MAP3K15: variants seen among roughly 807,000 people sequenced by gnomAD.
MAP3K15 encodes the protein MAPK/ERK kinase kinase 15.
Under a neutral mutation model 99.5 loss-of-function variants are expected in MAP3K15, and 124 were observed. The observed-to-expected ratio is 1.25, with a 90% CI of 1.08 to 1.45. The LOEUF (loss-of-function observed/expected upper bound fraction) is 1.45. Ranked by LOEUF, MAP3K15 falls within the 40% of genes most tolerant of loss-of-function variation. The pLI, the probability that MAP3K15 is intolerant of heterozygous loss-of-function variation, is 0.00. For missense variants in MAP3K15, 1,242 were observed against 1,079.7 expected, an observed-to-expected ratio of 1.15 and a Z score of -2.11; for synonymous variants, 494 against 439.6, an observed-to-expected ratio of 1.12 and a Z score of -1.55.
At chrX:19,444,074 T>G (rs2063978246) in intron 6 of MAP3K15, among the ~76,000 whole-genome samples, 1 of 112,065 alleles carries the variant, frequency 8.9e-6, no homozygotes, top group African/African-American at 3.2e-5. Context: ...ATTCCTGCCA[T>G]CCATGAATAA....
Position 19,392,348 on chromosome X carries a change from T to A in MAP3K15, c.2320A>T (p.Ile774Leu). Reference protein sequence around the residue: ...LHENQIVHRDIKGDNVLVNTY... With the variant: ...LHENQIVHRDLKGDNVLVNTY... ...CAGCTTAAAAAAGCAAGTACCTTTA[T>A]GTCTCTGTGCACGATCTGGTTTTCA... The change falls in exon 17 of 29, where the codon ATA becomes TTA. Residue 774 changes from isoleucine to leucine, a missense_variant. By Grantham distance (5) the Ile-to-Leu change is conservative. Coordinates refer to ENST00000338883, the MANE Select transcript of MAP3K15 (RefSeq NM_001001671.4). 1.7e-6 allele frequency: 2 copies of A among 1,206,603 alleles called. No homozygotes were observed. The highest frequency in any genetic ancestry group is 2.2e-6 in the Non-Finnish European group (2 of 893,739).
chrX:19,424,189 T>TAC (rs1299300829), intron 9 of MAP3K15, among the ~76,000 whole-genome samples: 2 of 107,361 alleles, frequency 1.9e-5, no homozygotes, highest in African/African-American at 7.0e-5. Flanking sequence ...AAATCATGTA[T>TAC]ATATACACAC....
At chrX:19,387,681 G>A (rs753785175) in intron 18 of MAP3K15, among the ~76,000 whole-genome samples, 188 of 111,627 alleles carry the variant, frequency 1.7e-3, no homozygotes, top group Non-Finnish European at 2.8e-3. Context: ...CCAGCATATG[G>A]TCTTCTTAAA....
Position 19,457,152 on chromosome X carries a change from G to T in MAP3K15, c.889-133C>A, listed in dbSNP as rs1051716429. 2 of 432,438 alleles carry T rather than the reference G, an allele frequency of 4.6e-6. 1 individual carries two copies. Among genetic ancestry groups the T allele is most frequent in the African/African-American group, 4.8e-5 (2 of 41,602 alleles). The allele number at this position is 432,438 out of a possible 1,213,427, so 35.6% of individuals were successfully genotyped here. A position where few individuals can be genotyped will look rare whatever the true frequency, so the allele number is the denominator to read the frequency against. On this transcript the variant is annotated intron_variant, in intron 5 of 28. Transcript: ENST00000338883. ...TTCCTTACAAAGGGCATTTAGTGAA[G>T]TTACTTGTAGCCTTTAATAGGAGGG...
intron 7 of MAP3K15, 28 bp downstream of exon 7, chrX:19,431,404 ATGCAAG>A: frequency 8.5e-7 from 1 of 1,180,755 alleles, no homozygotes; most frequent in Non-Finnish European, 1.1e-6. Context: ...CCTTGAAGAG[ATGCAAG>A]TGCTCATAAC....
chrX:19,394,972 C>G, intron 16 of MAP3K15, 109 bp downstream of exon 16: 2 of 974,473 alleles, frequency 2.1e-6, no homozygotes. Flanking sequence ...TACAGGCGCC[C>G]TACAGGCCTG....
intron 7 of MAP3K15, among the ~76,000 whole-genome samples, chrX:19,430,715 T>C (rs1028142374): frequency 1.4e-4 from 16 of 110,954 alleles, no homozygotes; most frequent in African/African-American, 4.9e-4. Context: ...CACTCACCCC[T>C]TGCTTAGTGC....
intron 18 of MAP3K15, among the ~76,000 whole-genome samples, chrX:19,385,107 G>A (rs1445773704): frequency 2.7e-5 from 3 of 111,664 alleles, no homozygotes; most frequent in African/African-American, 9.8e-5. Flanking sequence ...ACAACAAATA[G>A]TTAGGTCTTA....
intron 15 of MAP3K15, among the ~76,000 whole-genome samples, chrX:19,396,187 C>T (rs187687344): frequency 8.9e-6 from 1 of 112,118 alleles, no homozygotes; most frequent in East Asian, 2.8e-4. Context: ...GAAAAGGACA[C>T]TATCCTAATC....
chrX:19,366,754 G>A (rs764365846), intron 25 of MAP3K15, among the ~76,000 whole-genome samples: 40 of 111,842 alleles, frequency 3.6e-4, no homozygotes, highest in African/African-American at 9.8e-4. Context: ...TATCAGCAGC[G>A]TGAAAATGGA....
intron 7 of MAP3K15, among the ~76,000 whole-genome samples, chrX:19,429,053 C>T (rs2063857252): frequency 1.8e-5 from 2 of 111,031 alleles, no homozygotes; most frequent in South Asian, 7.7e-4. Context: ...GGAACAGAGA[C>T]AGGAGTTTGG....
chrX:19,411,139 A>C (rs2063684072), intron 11 of MAP3K15, among the ~76,000 whole-genome samples: 1 of 107,040 alleles, frequency 9.3e-6, no homozygotes, highest in South Asian at 4.1e-4. Flanking sequence ...AGCCAAAATC[A>C]CTCCACTGCA....
At chrX:19,481,070 C>T (rs1443887354) in intron 3 of MAP3K15, among the ~76,000 whole-genome samples, 4 of 94,778 alleles carry the variant, frequency 4.2e-5, no homozygotes, top group South Asian at 5.2e-4. Context: ...GAGCCATGAT[C>T]GCACCACTGC....
intron 9 of MAP3K15, among the ~76,000 whole-genome samples, chrX:19,421,070 A>G (rs1321486054): frequency 2.7e-5 from 3 of 111,090 alleles, no homozygotes; most frequent in South Asian, 3.8e-4. Flanking sequence ...ACCCACAGCC[A>G]ATATCATACT....
rs182634736 is a variant in MAP3K15 at position 19,427,165 on chromosome X, A to C, written c.1167-822T>G. On this transcript the variant is annotated intron_variant, in intron 7 of 28. Coordinates refer to ENST00000338883, the MANE Select transcript of MAP3K15 (RefSeq NM_001001671.4). ...TATGCATTTTTTTTTTCATTTTTTA[A>C]AACACAGGGTCTCACTCTGTCACCC... Among the ~76,000 whole-genome samples the C allele has an allele frequency of 7.1e-3, 767 of 108,200 alleles. 5 individuals are homozygous for C. The highest frequency in any genetic ancestry group is 0.028 in the Middle Eastern group (6 of 217). 94.0% of individuals were successfully genotyped at this position (108,200 alleles called of 115,157 possible).
chrX:19,510,140 G>A (rs1324032668), intron 1 of MAP3K15, among the ~76,000 whole-genome samples: 13 of 111,933 alleles, frequency 1.2e-4, no homozygotes, highest in Admixed American at 6.7e-4. Context: ...ACTCACAGCC[G>A]AATTCTACCA....
chrX:19,504,041 G>T (rs1202102792), intron 1 of MAP3K15, among the ~76,000 whole-genome samples: 1 of 104,833 alleles, frequency 9.5e-6, no homozygotes, highest in Non-Finnish European at 2.0e-5. Flanking sequence ...GATTGCTTGA[G>T]TCCAGGAAGG....
intron 15 of MAP3K15, among the ~76,000 whole-genome samples, chrX:19,395,603 T>C (rs1038625624): frequency 3.6e-5 from 4 of 111,512 alleles, no homozygotes; most frequent in African/African-American, 1.3e-4. Context: ...TCAGCTGCCC[T>C]CTCGTCTTAT....
chrX:19,425,356 G>T (rs181041650), intron 9 of MAP3K15, among the ~76,000 whole-genome samples, 175 bp downstream of exon 9: 46 of 111,863 alleles, frequency 4.1e-4, no homozygotes, highest in African/African-American at 1.3e-3. Context: ...ATTCTGTGTG[G>T]ATCTGTCTTT....
Sources: allele counts gnomAD v4.1 joint callset (sites outside exome capture counted in the v4.1 genomes callset), GRCh38; gene constraint gnomAD v4.1.1; transcripts MANE v1.5; gene names NCBI Gene and HGNC (gene_info 2026-07-23, HGNC 2026-07-21).